The following ROPN1L variants were observed in gnomAD, a reference collection of about 807,000 sequenced individuals.
ROPN1L encodes ropporin-1-like protein.
A neutral mutation model predicts 22.7 loss-of-function variants in ROPN1L; 23 were observed. That is an observed-to-expected ratio of 1.01 (90% CI 0.73 to 1.43). The LOEUF is 1.43. ROPN1L is among the 40% of genes most tolerant of loss of function. The pLI, the probability that ROPN1L is intolerant of heterozygous loss-of-function variation, is 0.00. For missense variants in ROPN1L, 271 were observed against 291.5 expected, an observed-to-expected ratio of 0.93 and a Z score of 0.51; for synonymous variants, 116 against 117.8, an observed-to-expected ratio of 0.98 and a Z score of 0.10.
Position 10,442,096 on chromosome 5 carries a change from C to A in ROPN1L, c.-72C>A. On this transcript the variant is annotated 5_prime_UTR_variant, in exon 1 of 5. It introduces an in-frame stop codon into an upstream open reading frame of the 5' UTR. Coordinates refer to ENST00000274134, the MANE Select transcript of ROPN1L (RefSeq NM_031916.5). Reference sequence around the variant, plus strand: ...CGCGCTGCTAGCGGGTCCACCGCGTCGTAGCCGACAGCCGCCCTTCTTCCT... The same window carrying A: ...CGCGCTGCTAGCGGGTCCACCGCGTAGTAGCCGACAGCCGCCCTTCTTCCT... The A allele has an allele frequency of 7.0e-6, 11 of 1,560,876 alleles. No individual in the cohort carries two copies. The highest frequency in any genetic ancestry group is 9.6e-6 in the Non-Finnish European group (11 of 1,145,528).
chr5:10,473,966 A>G (rs918099671), downstream of ROPN1L, among the ~76,000 whole-genome samples: 1 of 152,120 alleles, frequency 6.6e-6, no homozygotes, highest in Admixed American at 6.6e-5. Context: ...ACCCTGGGTT[A>G]CATGGCAAAT....
chr5:10,469,366 G>A (rs560683520), downstream of ROPN1L, among the ~76,000 whole-genome samples: 2 of 146,276 alleles, frequency 1.4e-5, no homozygotes, highest in South Asian at 4.4e-4. Flanking sequence ...ATACGCCTGT[G>A]GTCCCAGCTA....
chr5:10,474,659 C>T (rs1448576854), downstream of ROPN1L, among the ~76,000 whole-genome samples: 1 of 152,258 alleles, frequency 6.6e-6, no homozygotes, highest in Admixed American at 6.5e-5. Flanking sequence ...GAACAGAGGA[C>T]TCAGCCAAGC....
chr5:10,461,246 C>G lies in ROPN1L; in HGVS notation c.480C>G (p.Pro160=). The part of the protein sequence containing the change: ...EILTDDPEGG[P]ARIPFKTFSY... The stretch of plus-strand genomic sequence containing the variant: ...TCACGGACGATCCGGAGGGCGGGCC[C>G]GCTCGCATCCCCTTCAAGACGTTTT... The change falls in exon 4 of 5, where the codon CCC becomes CCG. Residue 160 remains proline, a synonymous_variant. Coordinates refer to ENST00000274134, the MANE Select transcript of ROPN1L (RefSeq NM_031916.5). 6.2e-7 allele frequency: 1 copy of G among 1,614,166 alleles called. No homozygotes were observed. The highest frequency in any genetic ancestry group is 8.5e-7 in the Non-Finnish European group (1 of 1,180,022).
chr5:10,449,677 C>T (rs187389383), intron 2 of ROPN1L, among the ~76,000 whole-genome samples: 93 of 152,206 alleles, frequency 6.1e-4, no homozygotes, highest in Middle Eastern at 3.4e-3. Context: ...AGTGGAGTAT[C>T]GTATACTCAA....
intron 4 of ROPN1L, among the ~76,000 whole-genome samples, chr5:10,463,439 G>C (rs1413491458): frequency 6.6e-6 from 1 of 152,214 alleles, no homozygotes; most frequent in Non-Finnish European, 1.5e-5. Flanking sequence ...AGGGTCCGGG[G>C]AGCTGTGGTG....
chr5:10,453,293 A>G (rs543114429), intron 3 of ROPN1L, among the ~76,000 whole-genome samples: 1 of 151,838 alleles, frequency 6.6e-6, no homozygotes, highest in East Asian at 1.9e-4. Context: ...CGGCCCACAG[A>G]GTGCTGAGCA....
At chr5:10,465,757 C>T (rs1489856749), downstream of ROPN1L, among the ~76,000 whole-genome samples, 1 of 152,032 alleles carries the variant, frequency 6.6e-6, no homozygotes, top group East Asian at 1.9e-4. Flanking sequence ...GAGGCTGAGG[C>T]AGGAGAATCT....
chr5:10,453,478 A>G (rs1176661867), intron 3 of ROPN1L, among the ~76,000 whole-genome samples: 2 of 152,210 alleles, frequency 1.3e-5, no homozygotes, highest in African/African-American at 4.8e-5. Flanking sequence ...GTTCAGCGTC[A>G]TAAGCGTTCA....
chr5:10,480,612 G>A, the ROPN1L span, among the ~76,000 whole-genome samples: 2 of 152,080 alleles, frequency 1.3e-5, no homozygotes, highest in African/African-American at 4.8e-5. Flanking sequence ...CAGCGAGTGT[G>A]GCCTTATGTT....
chr5:10,470,882 C>G (rs192321839), intron 4 of ROPN1L, among the ~76,000 whole-genome samples: 1 of 152,236 alleles, frequency 6.6e-6, no homozygotes, highest in Non-Finnish European at 1.5e-5. Context: ...GCTGGCCCCC[C>G]TGCCACGTAC....
chr5:10,449,739 C>T (rs1741192093), intron 2 of ROPN1L, among the ~76,000 whole-genome samples: 1 of 152,206 alleles, frequency 6.6e-6, no homozygotes, highest in Non-Finnish European at 1.5e-5. Flanking sequence ...ATTCGCTTCA[C>T]CGTCCTTTTT....
downstream of ROPN1L, among the ~76,000 whole-genome samples, chr5:10,468,827 G>A (rs1241589478): frequency 6.6e-6 from 1 of 152,182 alleles, no homozygotes; most frequent in African/African-American, 2.4e-5. Flanking sequence ...CACCTCAAGA[G>A]TCAAAGACAA....
At chr5:10,461,988 G>T (rs1735040257) in intron 4 of ROPN1L, among the ~76,000 whole-genome samples, 1 of 152,208 alleles carries the variant, frequency 6.6e-6, no homozygotes, top group Non-Finnish European at 1.5e-5. Flanking sequence ...TAGCTTCCGG[G>T]AAACTTTCTA....
At chr5:10,450,248 C>T (rs1741212979) in intron 3 of ROPN1L, 135 bp downstream of exon 3, 1 of 580,978 alleles carries the variant, frequency 1.7e-6, no homozygotes, top group Non-Finnish European at 2.8e-6. Flanking sequence ...TGCTCCAGGC[C>T]TATTATATTA....
At chr5:10,465,488 C>G (rs973003913), downstream of ROPN1L, among the ~76,000 whole-genome samples, 1 of 141,886 alleles carries the variant, frequency 7.0e-6, no homozygotes, top group African/African-American at 2.6e-5. Flanking sequence ...GCACTCCAGC[C>G]TGGGCGACAG....
At chr5:10,453,785 T>G (rs1469677645) in intron 3 of ROPN1L, among the ~76,000 whole-genome samples, 1 of 152,188 alleles carries the variant, frequency 6.6e-6, no homozygotes, top group Non-Finnish European at 1.5e-5. Flanking sequence ...TCTGCTTCAA[T>G]TTCTGAATCA....
chr5:10,467,622 G>A (rs923204234), downstream of ROPN1L, among the ~76,000 whole-genome samples: 4 of 152,160 alleles, frequency 2.6e-5, no homozygotes, highest in African/African-American at 7.2e-5. Context: ...GTAAATCTGC[G>A]CTTCACCCAA....
intron 3 of ROPN1L, among the ~76,000 whole-genome samples, chr5:10,451,922 CTG>C (rs1170161361): frequency 8.1e-5 from 5 of 61,824 alleles, no homozygotes; most frequent in African/African-American, 2.3e-4. Flanking sequence ...ATCTGGAACT[CTG>C]TGAAATCTAT....
Sources: allele counts gnomAD v4.1 joint callset (sites outside exome capture counted in the v4.1 genomes callset), GRCh38; gene constraint gnomAD v4.1.1; transcripts MANE v1.5; gene names NCBI Gene and HGNC (gene_info 2026-07-23, HGNC 2026-07-21).